The following TFAP2D variants were observed in gnomAD, a reference collection of about 807,000 sequenced individuals.
TFAP2D encodes the protein transcription factor AP-2-delta.
TFAP2D carries 9 observed loss-of-function variants against 43.6 expected under a neutral mutation model. The observed-to-expected ratio is 0.21, with a 90% CI of 0.12 to 0.36. TFAP2D has a LOEUF of 0.36. Ranked by LOEUF, TFAP2D falls within the 10% of genes least tolerant of loss-of-function variation. The pLI, the probability that TFAP2D is intolerant of heterozygous loss-of-function variation, is 1.00. For synonymous variants in TFAP2D, 256 were observed against 224.9 expected (o/e 1.14, Z -1.24); for missense variants, 513 against 561.4 (o/e 0.91, Z 0.87).
chr6:50,734,207 A>C (rs1358452833), intron 5 of TFAP2D, among the ~76,000 whole-genome samples: 1 of 151,986 alleles, frequency 6.6e-6, no homozygotes, highest in Non-Finnish European at 1.5e-5. Context: ...CATGTAAATT[A>C]GTTGTTTTGT....
At chr6:50,722,317 G>C (rs757904534) in intron 3 of TFAP2D, among the ~76,000 whole-genome samples, 1 of 152,138 alleles carries the variant, frequency 6.6e-6, no homozygotes, top group Non-Finnish European at 1.5e-5. Context: ...TCGGGCGTAG[G>C]CTTTGATATG....
At chr6:50,766,965 G>T (rs1252573370) in intron 7 of TFAP2D, among the ~76,000 whole-genome samples, 1 of 152,088 alleles carries the variant, frequency 6.6e-6, no homozygotes, top group Non-Finnish European at 1.5e-5. Context: ...ACCGTGCCCG[G>T]CCTGCTTTCT....
chr6:50,734,299 A>G (rs1768933588), intron 5 of TFAP2D, among the ~76,000 whole-genome samples: 1 of 152,038 alleles, frequency 6.6e-6, no homozygotes, highest in African/African-American at 2.4e-5. Context: ...TTTTTGAAGT[A>G]GGGCCTGACT....
intron 5 of TFAP2D, among the ~76,000 whole-genome samples, chr6:50,741,148 G>T (rs1297811245): frequency 6.6e-6 from 1 of 151,990 alleles, no homozygotes; most frequent in Non-Finnish European, 1.5e-5. Context: ...CTATTGAAAA[G>T]ATGAATATCC....
At chr6:50,756,544 T>C (rs1451188481) in intron 7 of TFAP2D, among the ~76,000 whole-genome samples, 1 of 152,086 alleles carries the variant, frequency 6.6e-6, no homozygotes, top group African/African-American at 2.4e-5. Context: ...TAACTACTTC[T>C]AGTTTTCCAT....
At chr6:50,750,760 T>G (rs2113885854) in intron 6 of TFAP2D, among the ~76,000 whole-genome samples, 1 of 152,162 alleles carries the variant, frequency 6.6e-6, no homozygotes, top group East Asian at 1.9e-4. Context: ...ATATGAACTC[T>G]AATGCAATAT....
At chr6:50,726,916 A>G (rs1425242744) in intron 3 of TFAP2D, among the ~76,000 whole-genome samples, 1 of 152,206 alleles carries the variant, frequency 6.6e-6, no homozygotes, top group Admixed American at 6.5e-5. Context: ...TTTAGCTCCT[A>G]AAGCAGGTGT....
At chr6:50,743,571 G>A (rs902869430) in intron 5 of TFAP2D, among the ~76,000 whole-genome samples, 2 of 152,016 alleles carry the variant, frequency 1.3e-5, no homozygotes, top group Non-Finnish European at 2.9e-5. Flanking sequence ...TTGTAGAGAT[G>A]ATGGGGTCTT....
At chr6:50,716,690 T>C (rs955548772) in intron 2 of TFAP2D, among the ~76,000 whole-genome samples, 1 of 152,192 alleles carries the variant, frequency 6.6e-6, no homozygotes, top group Admixed American at 6.5e-5. Context: ...AGACCCATAG[T>C]TTTAGCTCCT....
chr6:50,720,486 A>AACACACAC (rs59484837), intron 3 of TFAP2D, among the ~76,000 whole-genome samples: 283 of 139,150 alleles, frequency 2.0e-3, no homozygotes, highest in African/African-American at 2.7e-3. Flanking sequence ...TGGAGATTAA[A>AACACACAC]ACACACACAC....
At chr6:50,734,440 G>C (rs1652177702) in intron 5 of TFAP2D, among the ~76,000 whole-genome samples, 1 of 152,042 alleles carries the variant, frequency 6.6e-6, no homozygotes, top group South Asian at 2.1e-4. Flanking sequence ...TAACATAATA[G>C]AAGCTAATTT....
chr6:50,771,852 G>C (rs1769533648), intron 7 of TFAP2D, among the ~76,000 whole-genome samples: 1 of 152,132 alleles, frequency 6.6e-6, no homozygotes, highest in Non-Finnish European at 1.5e-5. Context: ...CAGGGATCTA[G>C]AACTAGAAAT....
intron 7 of TFAP2D, among the ~76,000 whole-genome samples, chr6:50,756,950 C>A (rs1769272955): frequency 6.6e-6 from 1 of 151,702 alleles, no homozygotes; most frequent in South Asian, 2.1e-4. Context: ...AAAATTTTCC[C>A]CTGTTGGTCT....
At chr6:50,718,993 C>A in intron 2 of TFAP2D, 97 bp from the exon 3 acceptor site, 1 of 1,154,232 alleles carries the variant, frequency 8.7e-7, no homozygotes, top group Non-Finnish European at 1.2e-6. Context: ...TCTACTGAAA[C>A]AGAGTTCAGG....
rs150945313 is a variant in TFAP2D at position 50,715,491 on chromosome 6, G to T, written c.415G>T (p.Ala139Ser). The T allele has an allele frequency of 2.5e-6, 4 of 1,613,700 alleles. No individual in the cohort carries two copies. The highest frequency in any genetic ancestry group is 3.4e-6 in the Non-Finnish European group (4 of 1,180,018). Reference protein sequence around the residue: ...EQRRELGCLDAYRRHDLSLMS... With the variant: ...EQRRELGCLDSYRRHDLSLMS... ...GAGGCGGGAGCTGGGCTGCCTCGATGCCTACCGCCGCCATGACCTGTCCCT... is the reference window on the plus strand; with the variant it reads ...GAGGCGGGAGCTGGGCTGCCTCGATTCCTACCGCCGCCATGACCTGTCCCT... Residue 139 changes from alanine to serine, a missense_variant, in exon 2 of 8, where the codon GCC becomes TCC. This residue lies in a region of TFAP2D where 311 missense variants were observed against 316.2 expected (regional missense o/e 0.98). Transcript: ENST00000008391.
chr6:50,727,501 C>T (rs1394508866), intron 3 of TFAP2D, among the ~76,000 whole-genome samples: 1 of 152,126 alleles, frequency 6.6e-6, no homozygotes, highest in Non-Finnish European at 1.5e-5. Flanking sequence ...CTTTAATGAC[C>T]ATGTGAATCA....
chr6:50,756,235 A>G (rs541869176), intron 7 of TFAP2D, among the ~76,000 whole-genome samples: 1 of 152,146 alleles, frequency 6.6e-6, no homozygotes, highest in South Asian at 2.1e-4. Flanking sequence ...AGCTCAAGAG[A>G]AAGATGAATT....
rs1422936066 is a variant in TFAP2D at position 50,745,114 on chromosome 6, T to C, written c.891T>C (p.Ala297=). ...TGTGTTATCTGCCAACAGGGGAGGC[T>C]TTGCACTTGGCTCGGGATTTTGGCT... ...TLLTSLVEGE[A]LHLARDFGYT... The change falls in exon 6 of 8, where the codon GCT becomes GCC. Residue 297 remains alanine, a synonymous_variant. Transcript: ENST00000008391. 6.2e-7 allele frequency: 1 copy of C among 1,613,574 alleles called. No individual in the cohort carries two copies. The highest frequency in any genetic ancestry group is 1.7e-5 in the Admixed American group (1 of 59,902).
At position 50,760,353 on chromosome 6, in the gene TFAP2D, A is replaced by T. The variant is rs565379409; in HGVS notation, c.1139+9029A>T. 2.6e-5 allele frequency among the ~76,000 whole-genome samples: 4 copies of T among 152,158 alleles called. No individual in the cohort carries two copies. In the South Asian group the frequency reaches 6.2e-4, roughly 24 times the overall value. On this transcript the variant is annotated intron_variant, in intron 7 of 7. Coordinates refer to ENST00000008391, the MANE Select transcript of TFAP2D (RefSeq NM_172238.4). ...CATTTAAATGGAATGAGGGTTGTTT[A>T]AAAAATACTGATGCTTTGGATTCAT...
Sources: gnomAD v4.1 joint callset for allele counts (sites outside exome capture counted in the v4.1 genomes callset) on GRCh38, gnomAD v4.1.1 for gene constraint, gnomAD v4.1.1 regional missense constraint, MANE v1.5 for transcripts, NCBI Gene and HGNC (gene_info 2026-07-23, HGNC 2026-07-21) for gene names.